ACVR1B: variants seen among roughly 807,000 people sequenced by gnomAD.
ACVR1B encodes the protein activin A receptor type 1B.
A neutral mutation model predicts 55.6 loss-of-function variants in ACVR1B; 15 were observed. That is an observed-to-expected ratio of 0.27 (90% confidence interval 0.18 to 0.42). ACVR1B has a LOEUF of 0.42. Among genes scored for constraint, ACVR1B ranks in the 10% least tolerant of loss-of-function variants. The pLI is 1.00. For synonymous variants in ACVR1B, 247 were observed against 254.6 expected (o/e 0.97, Z 0.28); for missense variants, 359 against 670.1 (o/e 0.54, Z 5.13).
intron 1 of ACVR1B, 142 bp from the exon 2 acceptor site, chr12:51,975,123 T>G: frequency 8.5e-7 from 1 of 1,183,102 alleles, no homozygotes; most frequent in Non-Finnish European, 1.2e-6. Flanking sequence ...TTGTGCTCAG[T>G]TAAGGATATC....
chr12:51,961,785 CA>C (rs762072385), intron 1 of ACVR1B, among the ~76,000 whole-genome samples: 4 of 152,212 alleles, frequency 2.6e-5, no homozygotes, highest in Admixed American at 1.3e-4. Flanking sequence ...AGTGGTTTTA[CA>C]TGTTCATCAT....
intron 1 of ACVR1B, among the ~76,000 whole-genome samples, chr12:51,969,263 A>G (rs1008717274): frequency 2.6e-5 from 4 of 152,062 alleles, no homozygotes; most frequent in Non-Finnish European, 5.9e-5. Flanking sequence ...GGACAATGTT[A>G]TTTTTCTTCC....
intron 6 of ACVR1B, 30 bp downstream of exon 6, chr12:51,985,378 A>G (rs772988697): frequency 1.2e-5 from 19 of 1,588,388 alleles, no homozygotes; most frequent in Admixed American, 5.4e-5. Flanking sequence ...TGCCCTTGCT[A>G]AGCAGCTTCT....
At chr12:51,980,228 G>A (rs1407661123) in intron 3 of ACVR1B, among the ~76,000 whole-genome samples, 1 of 152,152 alleles carries the variant, frequency 6.6e-6, no homozygotes, top group Non-Finnish European at 1.5e-5. Flanking sequence ...TAAGCATGCA[G>A]TAAATGGTAG....
chr12:51,969,016 G>A (rs1215010483), intron 1 of ACVR1B, among the ~76,000 whole-genome samples: 1 of 152,110 alleles, frequency 6.6e-6, no homozygotes, highest in African/African-American at 2.4e-5. Flanking sequence ...CAAGAAGAAC[G>A]AAGGTCCCCA....
chr12:51,962,993 G>A, intron 1 of ACVR1B, among the ~76,000 whole-genome samples: 1 of 152,120 alleles, frequency 6.6e-6, no homozygotes, highest in East Asian at 1.9e-4. Context: ...GGACACGGTG[G>A]AGAGTCTAGA....
chr12:51,951,879 G>T, intron 1 of ACVR1B, 45 bp downstream of exon 1: 1 of 1,181,666 alleles, frequency 8.5e-7, no homozygotes, highest in Non-Finnish European at 1.1e-6. Flanking sequence ...GAGAGGGCCC[G>T]GCAAGGGCGA....
intron 3 of ACVR1B, among the ~76,000 whole-genome samples, chr12:51,977,351 G>C (rs1291386359): frequency 3.9e-5 from 6 of 152,088 alleles, no homozygotes; most frequent in African/African-American, 1.4e-4. Flanking sequence ...AGGCAGGAGT[G>C]CAGTGGCGCA....
chr12:51,983,544 G>A (rs1317557597), intron 4 of ACVR1B, among the ~76,000 whole-genome samples: 1 of 152,226 alleles, frequency 6.6e-6, no homozygotes, highest in African/African-American at 2.4e-5. Flanking sequence ...GGGTCGCTGG[G>A]ACACAGGAGG....
chr12:51,960,995 A>AT (rs1941512103), intron 1 of ACVR1B, among the ~76,000 whole-genome samples: 1 of 96,284 alleles, frequency 1.0e-5, no homozygotes, highest in Admixed American at 2.0e-4. Flanking sequence ...TGTAGCTAAT[A>AT]TTTTTTCACA....
chr12:51,970,294 C>T (rs1941722153), intron 1 of ACVR1B, among the ~76,000 whole-genome samples: 1 of 152,206 alleles, frequency 6.6e-6, no homozygotes, highest in Middle Eastern at 3.4e-3. Context: ...CGAACTTAGA[C>T]CCTGGAGACC....
chr12:51,963,397 A>G (rs2120488849), intron 1 of ACVR1B, among the ~76,000 whole-genome samples: 1 of 152,262 alleles, frequency 6.6e-6, no homozygotes, highest in Admixed American at 6.5e-5. Flanking sequence ...GGCATGCGCC[A>G]CCGCGCCCAG....
rs202216609 is a variant in ACVR1B at position 51,963,038 on chromosome 12, G to GT, written c.91+11213dup. 1.5e-3 allele frequency among the ~76,000 whole-genome samples: 225 copies of GT among 151,348 alleles called. 1 individual carries two copies. The highest frequency in any genetic ancestry group is 4.5e-3 in the African/African-American group (186 of 41,336). ...AGAAGATAGTTTGAAAAACACTGTAGTTTTTTTTTGTTTTTGTTATTGAGA... is the reference window on the plus strand; with the variant it reads ...AGAAGATAGTTTGAAAAACACTGTAGTTTTTTTTTTGTTTTTGTTATTGAGA... On this transcript the variant is annotated intron_variant, in intron 1 of 8. Coordinates refer to ENST00000257963, the MANE Select transcript of ACVR1B (RefSeq NM_004302.5).
At chr12:51,953,523 A>C in intron 1 of ACVR1B, 1 of 985,238 alleles carries the variant, frequency 1.0e-6, no homozygotes, top group Non-Finnish European at 1.2e-6. Flanking sequence ...TTGCATGAAT[A>C]AGGATGTTCG....
At chr12:51,972,686 C>T (rs1164532898) in intron 1 of ACVR1B, among the ~76,000 whole-genome samples, 2 of 152,206 alleles carry the variant, frequency 1.3e-5, no homozygotes, top group African/African-American at 4.8e-5. Context: ...ACCTGTCCTG[C>T]TATGATCCCC....
At chr12:51,977,385 C>T (rs1194559202) in intron 3 of ACVR1B, among the ~76,000 whole-genome samples, 1 of 152,130 alleles carries the variant, frequency 6.6e-6, no homozygotes, top group Non-Finnish European at 1.5e-5. Context: ...GAAACCTCCA[C>T]CTGCCTGGTT....
intron 1 of ACVR1B, among the ~76,000 whole-genome samples, chr12:51,955,534 G>A (rs529612328): frequency 6.6e-6 from 1 of 152,196 alleles, no homozygotes; most frequent in African/African-American, 2.4e-5. Context: ...TTATCAGTTC[G>A]TGGTGCTTTA....
chr12:51,975,091 T>C (rs1338073289), intron 1 of ACVR1B, among the ~76,000 whole-genome samples, 174 bp from the exon 2 acceptor site: 4 of 152,246 alleles, frequency 2.6e-5, no homozygotes. Flanking sequence ...GCCTTGTTTG[T>C]GAGCTAAATA....
chr12:51,963,162 A>G (rs959604299), intron 1 of ACVR1B, among the ~76,000 whole-genome samples: 6 of 152,068 alleles, frequency 3.9e-5, no homozygotes, highest in Non-Finnish European at 8.8e-5. Context: ...TTAATTGTAC[A>G]ATTTAGTAGT....
Sources: gnomAD v4.1 joint callset for allele counts (sites outside exome capture counted in the v4.1 genomes callset) on GRCh38, gnomAD v4.1.1 for gene constraint, MANE v1.5 for transcripts, NCBI Gene and HGNC (gene_info 2026-07-23, HGNC 2026-07-21) for gene names.